AKAP8: variants seen among roughly 807,000 people sequenced by gnomAD.
The protein encoded by AKAP8 is A-kinase anchoring protein 8.
A neutral mutation model predicts 67.5 loss-of-function variants in AKAP8; 24 were observed. The observed-to-expected ratio is 0.36, with a 90% CI of 0.26 to 0.50. AKAP8 has a LOEUF of 0.50. AKAP8 is among the 20% of genes least tolerant of loss of function. The probability of loss-of-function intolerance (pLI) is 0.97; values close to 1 mark genes in which losing one functional copy is unlikely to be tolerated. For synonymous variants in AKAP8, 400 were observed against 371.1 expected (o/e 1.08, Z -0.90); for missense variants, 971 against 955.9 (o/e 1.02, Z -0.21).
chr19:15,369,483 G>C lies in AKAP8; in HGVS notation c.1072+663C>G, dbSNP rs532094297. Among the ~76,000 whole-genome samples, 3 of 152,350 alleles carry C rather than the reference G, an allele frequency of 2.0e-5. No individual in the cohort carries two copies. Among genetic ancestry groups the C allele is most frequent in the Admixed American group, 2.0e-4 (3 of 15,298 alleles). On this transcript the variant is annotated intron_variant, in intron 8 of 13. Transcript: ENST00000269701. The surrounding 1 kb of genome is among the most constrained non-coding windows in gnomAD (Gnocchi z 4.6). ...ACAGGTAAAGAAACGAGTGGCTTCA[G>C]GGTGAGCTCCAGGCCGCGGCACCTC... is the stretch of plus-strand genomic sequence containing the variant.
At chr19:15,375,671 C>G (rs941446012) in intron 2 of AKAP8, among the ~76,000 whole-genome samples, 2 of 145,838 alleles carry the variant, frequency 1.4e-5, no homozygotes. Context: ...GAGTCTCGCT[C>G]TGTTGCATGG....
At position 15,368,247 on chromosome 19, in the gene AKAP8, CG is replaced by C. The variant is rs767156145; in HGVS notation, c.1147del (p.Arg383ValfsTer39). The C allele has an allele frequency of 2.9e-5, 46 of 1,612,314 alleles. No individual in the cohort carries two copies. The highest frequency in any genetic ancestry group is 3.7e-5 in the Non-Finnish European group (44 of 1,179,934). On this transcript the variant is annotated frameshift_variant, in exon 9 of 14. Coordinates refer to ENST00000269701, the MANE Select transcript of AKAP8 (RefSeq NM_005858.4). LOFTEE classifies it high-confidence loss of function. ...GCCCGCGCCTCACCTGTCGGCTGCA[CG>C]GTCCCGCGTCCTGTCTCTTCTCCTT... is the stretch of plus-strand genomic sequence containing the variant. ...KQRRRDRTRDRAADRIQFACS... is the reference protein window; with the variant it reads ...KQRRRDRTRDXAADRIQFACS...
chr19:15,355,166 T>A lies in AKAP8; in HGVS notation c.1828A>T (p.Thr610Ser), dbSNP rs950616458. 1.2e-6 allele frequency: 2 copies of A among 1,612,756 alleles called. No homozygotes were observed. Among genetic ancestry groups the A allele is most frequent in the South Asian group, 2.2e-5 (2 of 91,082 alleles). Residue 610 changes from threonine to serine, a missense_variant, in exon 14 of 14, where the codon ACG (threonine) becomes TCG (serine). Transcript: ENST00000269701. Reference protein sequence around the residue: ...SGEPAEDEGPTDTAEAGSDPQ... With the variant: ...SGEPAEDEGPSDTAEAGSDPQ... ...TCACTACCGGCCTCCGCTGTGTCCG[T>A]GGGGCCTTCGTCCTCAGCCGGCTCC... is the stretch of plus-strand genomic sequence containing the variant.
rs767542180 is a variant in AKAP8 at position 15,379,743 on chromosome 19, G to A, written c.-12C>T. The A allele has an allele frequency of 1.2e-6, 2 of 1,611,132 alleles. No homozygotes were observed. The highest frequency in any genetic ancestry group is 1.7e-6 in the Non-Finnish European group (2 of 1,178,964). ...TAGCCCTGGTCCATGTCTTCGACGCGGCCCACCAGCAGCCCCGTTTACTAG... is the reference window on the plus strand; with the variant it reads ...TAGCCCTGGTCCATGTCTTCGACGCAGCCCACCAGCAGCCCCGTTTACTAG... On this transcript the variant is annotated 5_prime_UTR_variant, in exon 1 of 14. Transcript: ENST00000269701.
At position 15,354,286 on chromosome 19, in the gene AKAP8, T is replaced by C. The variant is rs2048262666; in HGVS notation, c.*629A>G. ...GCAAGGACTAAAGATTGGGACGCAA[T>C]GCCCTCTGCACAGTCTGGTTCTTGA... On this transcript the variant is annotated 3_prime_UTR_variant, in exon 14 of 14. Transcript: ENST00000269701. 6.6e-6 allele frequency: 1 copy of C among 152,372 alleles called. No individual in the cohort carries two copies. 9.4% of individuals were successfully genotyped at this position (152,372 alleles called of 1,614,324 possible). A position where few individuals can be genotyped will look rare whatever the true frequency, so the allele number is the denominator to read the frequency against.
intron 9 of AKAP8, among the ~76,000 whole-genome samples, chr19:15,364,779 C>T (rs968153225): frequency 3.3e-5 from 5 of 152,248 alleles, no homozygotes; most frequent in East Asian, 1.9e-4. Flanking sequence ...CGTGAGCCAC[C>T]GCACCCAGAC....
rs1347523774 is a variant in AKAP8 at position 15,353,896 on chromosome 19, T to TTATTTAGAGAAATAAC, written c.*1018_*1019insGTTATTTCTCTAAATA. 1 of 149,506 alleles carries TTATTTAGAGAAATAAC rather than the reference T, an allele frequency of 6.7e-6. No individual in the cohort carries two copies. The highest frequency in any genetic ancestry group is 2.5e-5 in the African/African-American group (1 of 40,578). The allele number at this position is 149,506 out of a possible 1,614,324, so 9.3% of individuals were successfully genotyped here. A position where few individuals can be genotyped will look rare whatever the true frequency, so the allele number is the denominator to read the frequency against. ...GATTTGGAAAGATCTAAAGTAATAG[T>TTATTTAGAGAAATAAC]TATTTCTCTAAAATGAAACATATAT... is the stretch of plus-strand genomic sequence containing the variant. On this transcript the variant is annotated 3_prime_UTR_variant, in exon 14 of 14. Coordinates refer to ENST00000269701, the MANE Select transcript of AKAP8 (RefSeq NM_005858.4).
At chr19:15,375,739 C>A (rs929832562) in intron 2 of AKAP8, among the ~76,000 whole-genome samples, 1 of 151,710 alleles carries the variant, frequency 6.6e-6, no homozygotes, top group African/African-American at 2.4e-5. Context: ...TGGGTTCACG[C>A]CATTCTCCTG....
chr19:15,371,195 C>A (rs1274749060), intron 7 of AKAP8, among the ~76,000 whole-genome samples: 1 of 151,588 alleles, frequency 6.6e-6, no homozygotes. Context: ...GACCTCCAGG[C>A]CCTACACCTC....
chr19:15,366,356 A>G lies in AKAP8; in HGVS notation c.1160+1879T>C, dbSNP rs1442411525. 1.3e-5 allele frequency among the ~76,000 whole-genome samples: 2 copies of G among 152,152 alleles called. 1 individual carries two copies. ...AATGTCATCTCAGTTTCCATGTGAC[A>G]TGAAAAGTCATCTACTCTATCCATT... On this transcript the variant is annotated intron_variant, in intron 9 of 13. Transcript: ENST00000269701.
At chr19:15,357,596 C>A (rs1366955525) in intron 13 of AKAP8, among the ~76,000 whole-genome samples, 5 of 151,592 alleles carry the variant, frequency 3.3e-5, no homozygotes, top group Non-Finnish European at 5.9e-5. Context: ...GAGAACAAGA[C>A]CCTGACTCAA....
intron 10 of AKAP8, 55 bp from the exon 11 acceptor site, chr19:15,361,877 A>T: frequency 6.5e-7 from 1 of 1,529,462 alleles, no homozygotes; most frequent in Non-Finnish European, 9.0e-7. Flanking sequence ...GCATGTGGGC[A>T]TTTCTCAACT....
At position 15,373,095 on chromosome 19, in the gene AKAP8, C is replaced by A. The variant is rs111389458; in HGVS notation, c.617G>T (p.Arg206Leu). The change falls in exon 5 of 14, where the codon CGC becomes CTC. Residue 206 changes from arginine to leucine, a missense_variant. Transcript: ENST00000269701. ...QDRSNPGTFM[R>L]SDPFVPPAAS... ...AGCGGGGGGCACGAAGGGGTCGCTG[C>A]GCATGAAGGTGCCAGGGTTGCTCCG... The A allele has an allele frequency of 6.2e-7, 1 of 1,611,784 alleles. No individual in the cohort carries two copies. The highest frequency in any genetic ancestry group is 8.5e-7 in the Non-Finnish European group (1 of 1,179,468).
Position 15,374,655 on chromosome 19 carries a change from C to T in AKAP8, c.59-20G>A, listed in dbSNP as rs1967221995. On this transcript the variant is annotated intron_variant, in intron 2 of 13. Transcript: ENST00000269701. ...ATGCACCTTAGGGGAAACAGAAACA[C>T]ACAAGAGCCCTGTTTGCAGAACGAA... is the stretch of plus-strand genomic sequence containing the variant. 8 of 1,613,062 alleles carry T rather than the reference C, an allele frequency of 5.0e-6. No individual in the cohort carries two copies. In the South Asian group the frequency reaches 6.6e-5, roughly 13 times the overall value.
intron 2 of AKAP8, 34 bp downstream of exon 2, chr19:15,376,942 C>G (rs1366311721): frequency 6.2e-7 from 1 of 1,603,618 alleles, no homozygotes; most frequent in East Asian, 2.3e-5. Flanking sequence ...TTAGGGGAAG[C>G]CCACGCCTCA....
chr19:15,373,053 A>T lies in AKAP8; in HGVS notation c.659T>A (p.Leu220Gln). 1.2e-6 allele frequency: 2 copies of T among 1,604,298 alleles called. No individual in the cohort carries two copies. The highest frequency in any genetic ancestry group is 1.7e-6 in the Non-Finnish European group (2 of 1,174,354). Residue 220 changes from leucine (L) to glutamine (Q), a missense_variant, in exon 5 of 14, where the codon CTG becomes CAG. By Grantham distance (113) the Leu-to-Gln change is moderately radical (BLOSUM62 -2). Coordinates refer to ENST00000269701, the MANE Select transcript of AKAP8 (RefSeq NM_005858.4). ...FVPPAASSEP[L>Q]STPWNELNYV... ...GTTCAGCTCGTTCCAGGGCGTGGAC[A>T]GGGGCTCAGAGGACGCAGCGGGGGG...
At position 15,354,725 on chromosome 19, in the gene AKAP8, G is replaced by T. The variant is rs921411260; in HGVS notation, c.*190C>A. 1.6e-6 allele frequency: 1 copy of T among 639,314 alleles called. No homozygotes were observed. Among genetic ancestry groups the T allele is most frequent in the African/African-American group, 1.8e-5 (1 of 54,680 alleles). 39.6% of individuals were successfully genotyped at this position (639,314 alleles called of 1,614,324 possible). A position where few individuals can be genotyped will look rare whatever the true frequency, so the allele number is the denominator to read the frequency against. ...AATGTACTTCAGCTTTGAAACCTGG[G>T]CAAGAAGCCACACGACTGCATGAGA... On this transcript the variant is annotated 3_prime_UTR_variant, in exon 14 of 14. Transcript: ENST00000269701.
At chr19:15,366,530 C>CTT (rs920471999) in intron 9 of AKAP8, among the ~76,000 whole-genome samples, 6 of 142,494 alleles carry the variant, frequency 4.2e-5, no homozygotes, top group Non-Finnish European at 3.1e-5. Flanking sequence ...CAGTGATTTT[C>CTT]TTTTTTTTTT....
intron 3 of AKAP8, among the ~76,000 whole-genome samples, 164 bp downstream of exon 3, chr19:15,374,439 C>G (rs1478562065): frequency 1.3e-5 from 2 of 152,202 alleles, no homozygotes; most frequent in African/African-American, 2.4e-5. Flanking sequence ...CCACCACAGC[C>G]CTCTGCAGTC....
Sources: allele counts gnomAD v4.1 joint callset (sites outside exome capture counted in the v4.1 genomes callset), GRCh38; gene constraint gnomAD v4.1.1; non-coding constraint Gnocchi (gnomAD v3.1); transcripts MANE v1.5; gene names NCBI Gene and HGNC (gene_info 2026-07-23, HGNC 2026-07-21).